EDA: variants seen among roughly 807,000 people sequenced by gnomAD.
The protein encoded by EDA is ectodysplasin A.
In EDA, 2 loss-of-function variants were observed where a neutral mutation model predicts 23.6. That is an observed-to-expected ratio of 0.08 (90% CI 0.03 to 0.27). EDA has a LOEUF of 0.27. EDA is among the 10% of genes least tolerant of loss of function. The pLI is 1.00. For missense variants in EDA, 229 were observed against 324.2 expected (o/e 0.71, Z 2.26); for synonymous variants, 131 against 132.0 (o/e 0.99, Z 0.05).
At chrX:69,808,923 G>C (rs953686810) in intron 1 of EDA, among the ~76,000 whole-genome samples, 1 of 111,655 alleles carries the variant, frequency 9.0e-6, no homozygotes, top group Non-Finnish European at 1.9e-5. Flanking sequence ...CATTAGGTTT[G>C]GGCATTAGCC....
At chrX:69,653,544 A>G (rs11094116) in intron 1 of EDA, among the ~76,000 whole-genome samples, 2 of 111,033 alleles carry the variant, frequency 1.8e-5, no homozygotes, top group African/African-American at 6.5e-5. Context: ...GGGCATCCCT[A>G]TCTTGTGCCC....
intron 1 of EDA, among the ~76,000 whole-genome samples, chrX:69,677,836 T>G (rs1382406474): frequency 8.9e-6 from 1 of 112,099 alleles, no homozygotes; most frequent in Non-Finnish European, 1.9e-5. Flanking sequence ...TTAGATCCCA[T>G]TTGTCAATTT....
intron 1 of EDA, among the ~76,000 whole-genome samples, chrX:69,823,616 G>C (rs2147522043): frequency 1.2e-5 from 1 of 84,381 alleles, no homozygotes; most frequent in Admixed American, 1.3e-4. Context: ...CAGATGAGTA[G>C]GTTGCGAAAA....
At chrX:69,845,461 C>T (rs1478587338) in intron 1 of EDA, among the ~76,000 whole-genome samples, 4 of 112,356 alleles carry the variant, frequency 3.6e-5, no homozygotes, top group Admixed American at 9.4e-5. Context: ...CTGTCAGATA[C>T]TTGGCATCCT....
At chrX:69,625,815 A>T (rs773625429) in intron 1 of EDA, among the ~76,000 whole-genome samples, 24 of 110,690 alleles carry the variant, frequency 2.2e-4, no homozygotes, top group African/African-American at 7.6e-4. Flanking sequence ...AAAAGAAATG[A>T]ACCGTTTTGG....
chrX:69,906,327 C>A (rs1302992931), intron 1 of EDA, among the ~76,000 whole-genome samples: 1 of 112,329 alleles, frequency 8.9e-6, no homozygotes, highest in Non-Finnish European at 1.9e-5. Context: ...ATAATAAGGG[C>A]CACCTCCTTT....
At chrX:69,657,605 A>ACAT (rs1301157876) in intron 1 of EDA, among the ~76,000 whole-genome samples, 2 of 112,149 alleles carry the variant, frequency 1.8e-5, no homozygotes, top group Non-Finnish European at 3.8e-5. Context: ...TTATAGTGGG[A>ACAT]CATCTTACAT....
chrX:69,696,239 C>CA (rs367811835), intron 1 of EDA, among the ~76,000 whole-genome samples: 32,712 of 89,636 alleles, frequency 0.36, 4,982 homozygotes, highest in Middle Eastern at 0.59. Flanking sequence ...AACTCTGTCT[C>CA]AAAAAAAAAA....
chrX:69,987,422 AT>A (rs781427989), intron 2 of EDA, among the ~76,000 whole-genome samples: 4 of 109,755 alleles, frequency 3.6e-5, no homozygotes, highest in Non-Finnish European at 7.6e-5. Context: ...TACCCTGGGT[AT>A]AACACAACAA....
intron 2 of EDA, among the ~76,000 whole-genome samples, chrX:70,009,184 G>C (rs2019840904): frequency 9.0e-6 from 1 of 111,443 alleles, no homozygotes; most frequent in Non-Finnish European, 1.9e-5. Flanking sequence ...TTTCTTGGTA[G>C]GAGTTTGTCA....
At chrX:69,931,436 A>G (rs901561572) in intron 1 of EDA, among the ~76,000 whole-genome samples, 1 of 111,671 alleles carries the variant, frequency 9.0e-6, no homozygotes, top group Admixed American at 9.5e-5. Flanking sequence ...AATCCCAACT[A>G]CTTGGGAGGC....
chrX:69,800,227 C>T (rs1050218481), intron 1 of EDA, among the ~76,000 whole-genome samples: 2 of 111,120 alleles, frequency 1.8e-5, no homozygotes, highest in East Asian at 2.8e-4. Context: ...TGGGTGGAAG[C>T]GGGGAGCAGG....
chrX:69,890,753 G>A (rs908313418), intron 1 of EDA, among the ~76,000 whole-genome samples: 1 of 111,270 alleles, frequency 9.0e-6, no homozygotes, highest in Non-Finnish European at 1.9e-5. Context: ...CATCAACTGA[G>A]GATGAATTAA....
intron 1 of EDA, among the ~76,000 whole-genome samples, chrX:69,737,371 T>C (rs2147368327): frequency 8.9e-6 from 1 of 112,046 alleles, no homozygotes; most frequent in African/African-American, 3.2e-5. Flanking sequence ...TTTAATTTTA[T>C]CTCCACTGTT....
At chrX:69,623,750 C>G (rs750750263) in intron 1 of EDA, among the ~76,000 whole-genome samples, 1 of 107,919 alleles carries the variant, frequency 9.3e-6, no homozygotes, top group Non-Finnish European at 1.9e-5. Context: ...TAGATATTGC[C>G]GTGTCTCTAT....
At chrX:69,783,364 G>T (rs2015019449) in intron 1 of EDA, among the ~76,000 whole-genome samples, 1 of 109,418 alleles carries the variant, frequency 9.1e-6, no homozygotes, top group African/African-American at 3.3e-5. Context: ...GTATACATGT[G>T]CCATGCTGGT....
chrX:69,706,422 CTG>C (rs1387030049), intron 1 of EDA, among the ~76,000 whole-genome samples: 1 of 111,938 alleles, frequency 8.9e-6, no homozygotes, highest in Non-Finnish European at 1.9e-5. Flanking sequence ...GTGTCAAACT[CTG>C]TAAAATATTT....
intron 1 of EDA, among the ~76,000 whole-genome samples, chrX:69,703,057 A>G (rs2011580792): frequency 9.1e-6 from 1 of 110,071 alleles, no homozygotes; most frequent in South Asian, 3.9e-4. Context: ...GGAAAGGGAG[A>G]CCATCTTGCA....
intron 1 of EDA, among the ~76,000 whole-genome samples, chrX:69,815,474 G>T (rs1476663838): frequency 9.0e-6 from 1 of 110,527 alleles, no homozygotes; most frequent in Non-Finnish European, 1.9e-5. Context: ...CAGTTGGGTA[G>T]ACTCAGCCGT....
Sources: allele counts gnomAD v4.1 joint callset (sites outside exome capture counted in the v4.1 genomes callset), GRCh38; gene constraint gnomAD v4.1.1; transcripts MANE v1.5; gene names NCBI Gene and HGNC (gene_info 2026-07-23, HGNC 2026-07-21).